Variants in FHIT observed in about 807,000 individuals in gnomAD.
FHIT encodes fragile histidine triad diadenosine triphosphatase, also known as bis(5'-adenosyl)-triphosphatase.
A neutral mutation model predicts 17.9 loss-of-function variants in FHIT; 19 were observed. That is an observed-to-expected ratio of 1.06 (90% CI 0.74 to 1.56). FHIT has a LOEUF of 1.56. Among genes scored for constraint, FHIT ranks in the 40% most tolerant of loss-of-function variants. The pLI is 0.00. For missense variants in FHIT, 248 were observed against 189.2 expected (o/e 1.31, Z -1.82); for synonymous variants, 81 against 69.7 (o/e 1.16, Z -0.81).
At position 60,771,896 on chromosome 3, in the gene FHIT, A is replaced by C. The variant is rs141115603; in HGVS notation, c.-18+50023T>G. Among the ~76,000 whole-genome samples the C allele has an allele frequency of 1.4e-3, 209 of 152,310 alleles. 2 individuals are homozygous for C. In the East Asian group the frequency reaches 0.029, roughly 21 times the overall value. ...TTCTCTTCTTCAAGAATTTTTATTA[A>C]GCCAAGATGTCATCAAGCTGAAAAT... On this transcript the variant is annotated intron_variant, in intron 4 of 9. Coordinates refer to ENST00000492590, the MANE Select transcript of FHIT (RefSeq NM_002012.4).
At chr3:60,167,009 C>T (rs931374883) in intron 5 of FHIT, among the ~76,000 whole-genome samples, 1 of 152,132 alleles carries the variant, frequency 6.6e-6, no homozygotes, top group African/African-American at 2.4e-5. Flanking sequence ...ATATGCCAAA[C>T]ACACACCATG....
At chr3:60,021,059 C>CAT in intron 5 of FHIT, among the ~76,000 whole-genome samples, 1 of 152,312 alleles carries the variant, frequency 6.6e-6, no homozygotes, top group Non-Finnish European at 1.5e-5. Flanking sequence ...ATAAATGACA[C>CAT]AGATGTAATT....
intron 3 of FHIT, among the ~76,000 whole-genome samples, chr3:60,823,175 G>A (rs1181213606): frequency 2.0e-5 from 3 of 152,070 alleles, no homozygotes; most frequent in Non-Finnish European, 4.4e-5. Flanking sequence ...CTACCTTCTG[G>A]TAGAGGAGAC....
At chr3:60,592,251 CTATA>C (rs1297661197) in intron 4 of FHIT, among the ~76,000 whole-genome samples, 1 of 142,916 alleles carries the variant, frequency 7.0e-6, no homozygotes, top group Non-Finnish European at 1.5e-5. Context: ...CATATATATA[CTATA>C]TATACTCTCT....
At chr3:61,068,316 T>C (rs191084851) in intron 2 of FHIT, among the ~76,000 whole-genome samples, 1 of 152,186 alleles carries the variant, frequency 6.6e-6, no homozygotes, top group Non-Finnish European at 1.5e-5. Flanking sequence ...TGAAGTCCTG[T>C]TTCCTTATTG....
intron 5 of FHIT, among the ~76,000 whole-genome samples, chr3:60,523,034 T>G (rs2035433021): frequency 6.6e-6 from 1 of 152,044 alleles, no homozygotes. Context: ...GAGAGCCAAG[T>G]GAAAGGGGAA....
chr3:60,910,504 C>A (rs917179492), intron 3 of FHIT, among the ~76,000 whole-genome samples: 1 of 151,854 alleles, frequency 6.6e-6, no homozygotes, highest in Non-Finnish European at 1.5e-5. Flanking sequence ...CTCCGCCTCC[C>A]AGGTTCATGC....
intron 5 of FHIT, among the ~76,000 whole-genome samples, chr3:60,512,478 AGC>A (rs2034988135): frequency 6.6e-6 from 1 of 152,248 alleles, no homozygotes; most frequent in East Asian, 1.9e-4. Context: ...GAACTCGACC[AGC>A]ATAGTTCTCC....
intron 5 of FHIT, among the ~76,000 whole-genome samples, chr3:60,157,600 A>C (rs1700758330): frequency 6.6e-6 from 1 of 152,232 alleles, no homozygotes; most frequent in African/African-American, 2.4e-5. Context: ...AGAGTAGAAG[A>C]AGCAAACTTT....
intron 8 of FHIT, among the ~76,000 whole-genome samples, chr3:59,904,839 C>A (rs1031339452): frequency 6.6e-6 from 1 of 152,204 alleles, no homozygotes; most frequent in Non-Finnish European, 1.5e-5. Context: ...GGGGCCTTTT[C>A]CAGACTTAGA....
At chr3:60,195,601 A>ATT (rs1702604172) in intron 5 of FHIT, among the ~76,000 whole-genome samples, 3 of 122,322 alleles carry the variant, frequency 2.5e-5, no homozygotes, top group South Asian at 5.3e-4. Flanking sequence ...ATATAATTAT[A>ATT]TATATGTATA....
chr3:60,880,576 C>T (rs1156895427), intron 3 of FHIT, among the ~76,000 whole-genome samples: 1 of 152,112 alleles, frequency 6.6e-6, no homozygotes, highest in Non-Finnish European at 1.5e-5. Context: ...CTACTCAACA[C>T]ACAAAATTAG....
At chr3:60,565,672 A>G (rs1014669308) in intron 4 of FHIT, among the ~76,000 whole-genome samples, 1 of 152,220 alleles carries the variant, frequency 6.6e-6, no homozygotes, top group Non-Finnish European at 1.5e-5. Context: ...ATTGGCAATA[A>G]GAGACAGATT....
intron 5 of FHIT, among the ~76,000 whole-genome samples, chr3:60,372,046 T>G (rs1322986491): frequency 6.6e-6 from 1 of 152,154 alleles, no homozygotes; most frequent in Non-Finnish European, 1.5e-5. Flanking sequence ...GAGAGAGGCA[T>G]TTTCATTACA....
At chr3:60,134,145 T>A (rs75643836) in intron 5 of FHIT, among the ~76,000 whole-genome samples, 2 of 152,276 alleles carry the variant, frequency 1.3e-5, no homozygotes, top group East Asian at 3.9e-4. Context: ...CAGTCACTGA[T>A]CCAACTATAT....
intron 8 of FHIT, among the ~76,000 whole-genome samples, chr3:59,909,670 T>C (rs1275415761): frequency 1.3e-5 from 2 of 152,170 alleles, no homozygotes; most frequent in African/African-American, 4.8e-5. Context: ...TTCAGCTACT[T>C]AGCTAGCTCA....
At chr3:60,457,286 A>C (rs1033507020) in intron 5 of FHIT, among the ~76,000 whole-genome samples, 14 of 152,168 alleles carry the variant, frequency 9.2e-5, no homozygotes, top group Non-Finnish European at 1.8e-4. Flanking sequence ...ACATATCTAC[A>C]ACCACCTGAT....
At chr3:60,925,050 G>C (rs1404120860) in intron 3 of FHIT, among the ~76,000 whole-genome samples, 5 of 152,172 alleles carry the variant, frequency 3.3e-5, no homozygotes, top group Admixed American at 2.6e-4. Context: ...CAAGAAATAT[G>C]GGACTATGTG....
At chr3:60,922,886 A>G (rs913167367) in intron 3 of FHIT, among the ~76,000 whole-genome samples, 4 of 152,272 alleles carry the variant, frequency 2.6e-5, no homozygotes, top group Middle Eastern at 3.2e-3. Context: ...CAGTCAATAC[A>G]TGTACAATTA....
Sources: gnomAD v4.1 joint callset for allele counts (sites outside exome capture counted in the v4.1 genomes callset) on GRCh38, gnomAD v4.1.1 for gene constraint, MANE v1.5 for transcripts, NCBI Gene and HGNC (gene_info 2026-07-23, HGNC 2026-07-21) for gene names.